TOP6BL: variants seen among roughly 807,000 people sequenced by gnomAD.
TOP6BL encodes type 2 DNA topoisomerase 6 subunit B-like.
the TOP6BL span, among the ~76,000 whole-genome samples, chr11:66,807,385 A>G: frequency 6.6e-6 from 1 of 152,212 alleles, no homozygotes; most frequent in Non-Finnish European, 1.5e-5. Flanking sequence ...CAGCCTGACC[A>G]ACATGGAGAA....
the TOP6BL span, chr11:66,842,756 C>G: frequency 7.8e-7 from 1 of 1,288,632 alleles, no homozygotes; most frequent in African/African-American, 1.5e-5. Flanking sequence ...GGAAGAGCCC[C>G]TCGGCGCCCG....
At chr11:66,822,114 C>T in the TOP6BL span, among the ~76,000 whole-genome samples, 1 of 152,230 alleles carries the variant, frequency 6.6e-6, no homozygotes, top group Non-Finnish European at 1.5e-5. Context: ...CATTCTTCCC[C>T]CATTTTCCTA....
chr11:66,769,100 T>A, the TOP6BL span, among the ~76,000 whole-genome samples: 25 of 152,230 alleles, frequency 1.6e-4, no homozygotes, highest in East Asian at 3.7e-3. Context: ...AGGAGAGTTG[T>A]CTCCCTATAG....
the TOP6BL span, among the ~76,000 whole-genome samples, chr11:66,773,016 T>C: frequency 6.6e-6 from 1 of 152,192 alleles, no homozygotes; most frequent in African/African-American, 2.4e-5. Context: ...GCCTGATTTT[T>C]TCCTTCCTAG....
chr11:66,823,977 G>A, the TOP6BL span, among the ~76,000 whole-genome samples: 1 of 152,156 alleles, frequency 6.6e-6, no homozygotes. Context: ...CAGAGGCTCA[G>A]GTTCAAATCC....
the TOP6BL span, chr11:66,843,470 C>G: frequency 6.3e-6 from 9 of 1,424,952 alleles, no homozygotes; most frequent in African/African-American, 1.5e-5. Flanking sequence ...CGGCGCTGGG[C>G]GGGGATGGGC....
At chr11:66,842,563 G>A in the TOP6BL span, among the ~76,000 whole-genome samples, 11 of 152,158 alleles carry the variant, frequency 7.2e-5, no homozygotes, top group South Asian at 6.2e-4. Context: ...CAGACTCCAG[G>A]AAGAATCTAT....
chr11:66,762,126 G>C, the TOP6BL span: 1 of 948,826 alleles, frequency 1.1e-6, no homozygotes. Flanking sequence ...TTATGCTTCT[G>C]GATTTTCCTT....
the TOP6BL span, among the ~76,000 whole-genome samples, chr11:66,801,441 G>A: frequency 2.6e-5 from 4 of 152,152 alleles, no homozygotes; most frequent in African/African-American, 9.7e-5. Context: ...GAGATAGTAT[G>A]AATACAAAGG....
chr11:66,789,558 G>A, the TOP6BL span, among the ~76,000 whole-genome samples: 1 of 152,170 alleles, frequency 6.6e-6, no homozygotes, highest in East Asian at 1.9e-4. Context: ...ACAATCTGGA[G>A]CAATTAATGG....
the TOP6BL span, chr11:66,756,597 A>G: frequency 2.8e-5 from 27 of 949,330 alleles, no homozygotes; most frequent in Non-Finnish European, 3.3e-5. Context: ...ATAAAATTCT[A>G]TCCTCCAGAT....
chr11:66,800,748 C>T, the TOP6BL span: 1 of 1,437,720 alleles, frequency 7.0e-7, no homozygotes, highest in African/African-American at 1.4e-5. Flanking sequence ...TGCAATTTTT[C>T]TCAGCTATTA....
chr11:66,830,108 C>A, the TOP6BL span, among the ~76,000 whole-genome samples: 27 of 152,158 alleles, frequency 1.8e-4, no homozygotes, highest in African/African-American at 5.8e-4. Context: ...AATATGCATT[C>A]TTTTCAAGTG....
At chr11:66,784,444 G>C in the TOP6BL span, among the ~76,000 whole-genome samples, 1 of 152,190 alleles carries the variant, frequency 6.6e-6, no homozygotes, top group African/African-American at 2.4e-5. Flanking sequence ...CTATAGGCAT[G>C]AGCCACTGCT....
At chr11:66,813,689 C>T in the TOP6BL span, among the ~76,000 whole-genome samples, 22 of 150,966 alleles carry the variant, frequency 1.5e-4, no homozygotes, top group East Asian at 2.5e-3. Flanking sequence ...GCTGAGATGG[C>T]GCCATTGCAC....
chr11:66,801,180 T>C, the TOP6BL span: 4 of 1,439,778 alleles, frequency 2.8e-6, no homozygotes, highest in Non-Finnish European at 3.9e-6. Flanking sequence ...AAATTGGAAA[T>C]TGTCTCACTT....
At chr11:66,748,385 A>C in the TOP6BL span, 1 of 1,536,384 alleles carries the variant, frequency 6.5e-7, no homozygotes, top group African/African-American at 1.4e-5. Flanking sequence ...TCAGATTTTG[A>C]GATTTTTAAT....
the TOP6BL span, among the ~76,000 whole-genome samples, chr11:66,805,869 T>C: frequency 8.5e-5 from 13 of 152,312 alleles, no homozygotes; most frequent in South Asian, 2.5e-3. Flanking sequence ...AATGAGTGAA[T>C]TGTATGGTAT....
At chr11:66,756,981 G>T in the TOP6BL span, among the ~76,000 whole-genome samples, 1 of 146,612 alleles carries the variant, frequency 6.8e-6, no homozygotes, top group South Asian at 2.2e-4. Flanking sequence ...AAAGTGCTGG[G>T]ATTACAGGTG....
Sources: allele counts gnomAD v4.1 joint callset (sites outside exome capture counted in the v4.1 genomes callset), GRCh38; gene constraint gnomAD v4.1.1; transcripts MANE v1.5; gene names NCBI Gene and HGNC (gene_info 2026-07-23, HGNC 2026-07-21).